Variants in TRRAP observed in about 807,000 individuals in gnomAD.
TRRAP encodes the protein transformation/transcription domain-associated protein.
In TRRAP, 41 loss-of-function variants were observed where a neutral mutation model predicts 438.8. The observed-to-expected ratio is 0.09, with a 90% CI of 0.07 to 0.12. The LOEUF is 0.12. TRRAP is among the 10% of genes least tolerant of loss of function. TRRAP has a pLI of 1.00. For missense variants in TRRAP, 3,122 were observed against 5,055.1 expected, an observed-to-expected ratio of 0.62 and a Z score of 11.60; for synonymous variants, 1,994 against 1,962.9, an observed-to-expected ratio of 1.02 and a Z score of -0.42.
chr7:99,003,953 A>G (rs1320625092), intron 67 of TRRAP, among the ~76,000 whole-genome samples: 1 of 152,106 alleles, frequency 6.6e-6, no homozygotes, highest in Non-Finnish European at 1.5e-5. Context: ...GGTGCCTGTA[A>G]TCCCAGCTAC....
At chr7:98,918,292 G>A (rs12705016) in intron 20 of TRRAP, among the ~76,000 whole-genome samples, 102,055 of 144,908 alleles carry the variant, frequency 0.7, 40,117 homozygotes, top group South Asian at 0.88. Context: ...GTGCAGAGGC[G>A]CGATCTCGGC....
At chr7:98,920,098 G>GT (rs1673631430) in intron 20 of TRRAP, among the ~76,000 whole-genome samples, 1 of 152,228 alleles carries the variant, frequency 6.6e-6, no homozygotes, top group Non-Finnish European at 1.5e-5. Flanking sequence ...TTGGTTTAGA[G>GT]AAAAGTACCA....
At chr7:98,992,030 A>G (rs1793451136) in intron 64 of TRRAP, 107 bp from the exon 65 acceptor site, 1 of 1,281,602 alleles carries the variant, frequency 7.8e-7, no homozygotes, top group Admixed American at 1.7e-5. Context: ...CCAAAGGCAG[A>G]TCAGACACCT....
Position 98,955,177 on chromosome 7 carries a change from C to T in TRRAP, c.5810C>T (p.Ala1937Val). 2 of 1,614,202 alleles carry T rather than the reference C, an allele frequency of 1.2e-6. No homozygotes were observed. The highest frequency in any genetic ancestry group is 1.7e-6 in the Non-Finnish European group (2 of 1,180,038). Residue 1937 changes from alanine to valine, a missense_variant, in exon 41 of 73, where the codon GCG (alanine) becomes GTG (valine). Coordinates refer to ENST00000456197, the MANE Select transcript of TRRAP (RefSeq NM_001375524.1). ...CAGGCGATGGCCATTCTGACCCCGG[C>T]GGTGCCGGCCAGGATGGAGGACGGG... is the stretch of plus-strand genomic sequence containing the variant. ...VRQAMAILTP[A>V]VPARMEDGHQ...
intron 56 of TRRAP, 36 bp downstream of exon 56, chr7:98,977,112 A>T (rs770486724): frequency 1.2e-6 from 2 of 1,611,800 alleles, no homozygotes; most frequent in Non-Finnish European, 1.7e-6. Context: ...TGGGTGTGTA[A>T]TGAGAGGTCA....
rs1554412886 is a variant in TRRAP at position 98,931,504 on chromosome 7, G to A, written c.3691G>A (p.Val1231Met). 6.8e-6 allele frequency: 11 copies of A among 1,614,096 alleles called. No individual in the cohort carries two copies. The highest frequency in any genetic ancestry group is 1.3e-5 in the African/African-American group (1 of 75,052). The change falls in exon 26 of 73, where the codon GTG (valine) becomes ATG (methionine). Residue 1231 changes from valine to methionine, a missense_variant. Transcript: ENST00000456197. Reference protein sequence around the residue: ...LKDEERAEEIVAAQEKSFHHV... With the variant: ...LKDEERAEEIMAAQEKSFHHV... ...AGACGAGGAGAGAGCCGAAGAGATC[G>A]TGGCCGCCCAGGAAAAGTCTTTCCA...
chr7:98,922,473 C>T (rs1230863572), intron 21 of TRRAP, among the ~76,000 whole-genome samples: 1 of 152,142 alleles, frequency 6.6e-6, no homozygotes, highest in Non-Finnish European at 1.5e-5. Flanking sequence ...TGCCTTTGCC[C>T]TGTCTGTGTT....
chr7:98,879,841 TGTCAGCTGC>T (rs1256286693), intron 1 of TRRAP, among the ~76,000 whole-genome samples: 2 of 152,156 alleles, frequency 1.3e-5, no homozygotes, highest in Non-Finnish European at 2.9e-5. Flanking sequence ...GTGTCACCTG[TGTCAGCTGC>T]AAAGCAGTGT....
chr7:98,912,888 G>A (rs373947890), intron 18 of TRRAP, among the ~76,000 whole-genome samples: 12 of 152,136 alleles, frequency 7.9e-5, no homozygotes, highest in Admixed American at 5.9e-4. Flanking sequence ...AGGAGACTCC[G>A]TTCTCCCAGA....
chr7:98,882,506 G>A (rs1480397599), intron 3 of TRRAP, among the ~76,000 whole-genome samples: 1 of 151,666 alleles, frequency 6.6e-6, no homozygotes, highest in Non-Finnish European at 1.5e-5. Context: ...GAGACTATAG[G>A]TGCCTGCTAC....
intron 23 of TRRAP, among the ~76,000 whole-genome samples, chr7:98,929,411 G>C (rs1554412316): frequency 1.3e-5 from 2 of 152,104 alleles, no homozygotes. Context: ...GAGCCACTGT[G>C]GTTCTCATTT....
At chr7:98,899,636 A>C in intron 9 of TRRAP, 43 bp from the exon 10 acceptor site, 2 of 1,612,026 alleles carry the variant, frequency 1.2e-6, no homozygotes, top group South Asian at 2.2e-5. Context: ...TTGTCGCCAT[A>C]GCAGAGTGTC....
chr7:99,009,242 T>C (rs1038862927), intron 70 of TRRAP, among the ~76,000 whole-genome samples: 2 of 151,918 alleles, frequency 1.3e-5, no homozygotes, highest in Non-Finnish European at 2.9e-5. Context: ...GGGGCAGCTG[T>C]TTTGGCCTCT....
chr7:98,900,239 G>A (rs1796414611), intron 10 of TRRAP, among the ~76,000 whole-genome samples: 2 of 152,034 alleles, frequency 1.3e-5, no homozygotes, highest in Admixed American at 1.3e-4. Context: ...TCCTGACTTG[G>A]AGCCCGTCTG....
intron 47 of TRRAP, 123 bp from the exon 48 acceptor site, chr7:98,964,506 T>G: frequency 8.7e-7 from 1 of 1,143,498 alleles, no homozygotes; most frequent in Non-Finnish European, 1.2e-6. Context: ...AAGCTCACAG[T>G]GTTGACACTG....
intron 11 of TRRAP, 60 bp downstream of exon 11, chr7:98,900,780 C>A: frequency 6.9e-7 from 1 of 1,439,224 alleles, no homozygotes; most frequent in Non-Finnish European, 9.6e-7. Context: ...ATAAAATTCA[C>A]CTTTTGTGGG....
At chr7:98,883,670 C>T (rs568689525) in intron 3 of TRRAP, among the ~76,000 whole-genome samples, 31 of 152,228 alleles carry the variant, frequency 2.0e-4, no homozygotes, top group African/African-American at 7.0e-4. Context: ...TGCACTACCA[C>T]GCCTGGCTAA....
chr7:98,900,041 C>T (rs556373668), intron 10 of TRRAP, among the ~76,000 whole-genome samples: 1 of 152,298 alleles, frequency 6.6e-6, no homozygotes, highest in Admixed American at 6.5e-5. Context: ...ATGGCATGTC[C>T]AAGCCTTGCT....
In TRRAP at chr7:98,999,746, T is replaced by C. The variant is rs540478373; in HGVS notation, c.10310-4444T>C. 3.7e-5 allele frequency: 25 copies of C among 676,758 alleles called. No individual in the cohort carries two copies. In the East Asian group the frequency reaches 6.6e-4, roughly 18 times the overall value. 41.9% of individuals were successfully genotyped at this position (676,758 alleles called of 1,614,324 possible). On this transcript the variant is annotated intron_variant, in intron 67 of 72. Transcript: ENST00000456197. ...AGAAAGCAAATGGTATATTCAAAGC[T>C]ACTATTCTGGGGGCACTCATCTGAA...
Sources: gnomAD v4.1 joint callset for allele counts (sites outside exome capture counted in the v4.1 genomes callset) on GRCh38, gnomAD v4.1.1 for gene constraint, MANE v1.5 for transcripts, NCBI Gene and HGNC (gene_info 2026-07-23, HGNC 2026-07-21) for gene names.